The following DYNLRB2 variants were observed in gnomAD, a reference collection of about 807,000 sequenced individuals.
DYNLRB2 encodes the protein bithoraxoid-like protein.
A neutral mutation model predicts 12.6 loss-of-function variants in DYNLRB2; 14 were observed. That is an observed-to-expected ratio of 1.11 (90% CI 0.73 to 1.73). DYNLRB2 has a LOEUF of 1.73. Among genes scored for constraint, DYNLRB2 ranks in the 40% most tolerant of loss-of-function variants. DYNLRB2 has a pLI of 0.00. For synonymous variants in DYNLRB2, 53 were observed against 37.0 expected (o/e 1.43, Z -1.57); for missense variants, 142 against 117.7 (o/e 1.21, Z -0.95).
chr16:80,548,723 T>C (rs1904639801), intron 2 of DYNLRB2, among the ~76,000 whole-genome samples: 1 of 48,488 alleles, frequency 2.1e-5, no homozygotes, highest in Admixed American at 2.1e-4. Context: ...CAAGACTCCG[T>C]CTCAAAAAAA....
chr16:80,541,067 G>A lies in DYNLRB2; in HGVS notation c.-10G>A. ...CGCCGGCCTGAGCCCAGAGTTTCGC[G>A]GCCTCCGCGATGGTAAATCTGGGGT... On this transcript the variant is annotated 5_prime_UTR_variant, in exon 1 of 4. Coordinates refer to ENST00000305904, the MANE Select transcript of DYNLRB2 (RefSeq NM_130897.3). 1 of 1,607,982 alleles carries A rather than the reference G, an allele frequency of 6.2e-7. No individual in the cohort carries two copies.
chr16:80,541,153 C>T, intron 1 of DYNLRB2, 74 bp downstream of exon 1: 1 of 1,544,344 alleles, frequency 6.5e-7, no homozygotes, highest in Non-Finnish European at 8.8e-7. Flanking sequence ...CACCCAGCTT[C>T]TGGGGCCCAC....
In DYNLRB2 at chr16:80,541,036, C is replaced by A; in HGVS notation, c.-41C>A. The stretch of plus-strand genomic sequence containing the variant: ...GTAGCGTTGTTGACATCCCGGGAGG[C>A]TGTGCCGCCGGCCTGAGCCCAGAGT... On this transcript the variant is annotated 5_prime_UTR_variant, in exon 1 of 4. In the 5' UTR this introduces an upstream ATG that the reference lacks. Coordinates refer to ENST00000305904, the MANE Select transcript of DYNLRB2 (RefSeq NM_130897.3). 2 of 1,602,484 alleles carry A rather than the reference C, an allele frequency of 1.2e-6. No homozygotes were observed. Among genetic ancestry groups the A allele is most frequent in the African/African-American group, 1.3e-5 (1 of 74,882 alleles).
chr16:80,543,269 C>T lies in DYNLRB2; in HGVS notation c.4-7C>T. Reference sequence around the variant, plus strand: ...TTTTGGTTAATTATCTTCCTGGTCTCTTTCAGGCAGAGGTGGAGGAAACCT... The same window carrying T: ...TTTTGGTTAATTATCTTCCTGGTCTTTTTCAGGCAGAGGTGGAGGAAACCT... On this transcript the variant is annotated splice_region_variant and splice_polypyrimidine_tract_variant and intron_variant, in intron 1 of 3. Transcript: ENST00000305904. 1 of 1,613,838 alleles carries T rather than the reference C, an allele frequency of 6.2e-7. No individual in the cohort carries two copies. The highest frequency in any genetic ancestry group is 8.5e-7 in the Non-Finnish European group (1 of 1,179,822).
At chr16:80,548,959 C>T (rs1383897732) in intron 2 of DYNLRB2, 1 of 455,932 alleles carries the variant, frequency 2.2e-6, no homozygotes, top group South Asian at 1.5e-5. Flanking sequence ...AGACTAACAC[C>T]ATGTCACAGA....
chr16:80,541,269 A>C, intron 1 of DYNLRB2, 190 bp downstream of exon 1: 7 of 951,708 alleles, frequency 7.4e-6, no homozygotes, highest in Non-Finnish European at 8.8e-6. Flanking sequence ...TGTCTAGATG[A>C]CTGGAAGCTG....
intron 1 of DYNLRB2, among the ~76,000 whole-genome samples, chr16:80,542,772 T>C (rs1904299320): frequency 6.6e-6 from 1 of 152,208 alleles, no homozygotes; most frequent in Non-Finnish European, 1.5e-5. Flanking sequence ...AGACTATCCT[T>C]TAAATTTAAT....
intron 2 of DYNLRB2, chr16:80,549,107 C>G (rs1311886314): frequency 7.0e-6 from 3 of 427,080 alleles, no homozygotes; most frequent in African/African-American, 2.0e-5. Flanking sequence ...TCATCATCAC[C>G]CCATTAGCTA....
At chr16:80,546,406 A>G (rs1455659440) in intron 2 of DYNLRB2, among the ~76,000 whole-genome samples, 1 of 152,154 alleles carries the variant, frequency 6.6e-6, no homozygotes, top group Non-Finnish European at 1.5e-5. Context: ...GCATTTTCAG[A>G]TTATATTTGT....
At position 80,550,519 on chromosome 16, in the gene DYNLRB2, G is replaced by A. The variant is rs762330081; in HGVS notation, c.252G>A (p.Lys84=). The change falls in exon 4 of 4, where the codon AAG becomes AAA. Residue 84 remains lysine (K), a synonymous_variant. Coordinates refer to ENST00000305904, the MANE Select transcript of DYNLRB2 (RefSeq NM_130897.3). ...KKHEIMVAPD[K]EYLLIVIQNP... ...ATTTTATCCATCTCTCCATAGATAA[G>A]GAATATCTTCTGATCGTCATTCAGA... 1.2e-6 allele frequency: 2 copies of A among 1,614,038 alleles called. No individual in the cohort carries two copies. Among genetic ancestry groups the A allele is most frequent in the African/African-American group, 1.3e-5 (1 of 74,934 alleles).
chr16:80,541,257 G>T (rs1326931398), intron 1 of DYNLRB2, 178 bp downstream of exon 1: 1 of 950,154 alleles, frequency 1.1e-6, no homozygotes, highest in Non-Finnish European at 1.3e-6. Flanking sequence ...GGGGCAAGAA[G>T]ATGTCTAGAT....
At chr16:80,543,386 G>C (rs780260536) in intron 2 of DYNLRB2, 35 bp downstream of exon 2, 22 of 1,608,174 alleles carry the variant, frequency 1.4e-5, no homozygotes, top group Non-Finnish European at 1.7e-5. Flanking sequence ...TTGACACACA[G>C]AAGCCAACCA....
chr16:80,547,409 A>G (rs1172848348), intron 2 of DYNLRB2, among the ~76,000 whole-genome samples: 1 of 152,200 alleles, frequency 6.6e-6, no homozygotes, highest in Non-Finnish European at 1.5e-5. Context: ...ATTACCTCAC[A>G]TGGTGCCAAG....
chr16:80,549,069 C>G, intron 2 of DYNLRB2: 3 of 451,322 alleles, frequency 6.6e-6, no homozygotes, highest in Non-Finnish European at 1.3e-5. Context: ...CAGTTAATGG[C>G]TTCTGAAAGA....
chr16:80,541,882 G>A (rs1211553850), intron 1 of DYNLRB2, among the ~76,000 whole-genome samples: 2 of 152,184 alleles, frequency 1.3e-5, no homozygotes, highest in Admixed American at 6.5e-5. Flanking sequence ...CAACGCTTAC[G>A]GTTTAGTGTA....
At chr16:80,542,407 C>T (rs1904296015) in intron 1 of DYNLRB2, among the ~76,000 whole-genome samples, 1 of 152,100 alleles carries the variant, frequency 6.6e-6, no homozygotes, top group Non-Finnish European at 1.5e-5. Context: ...ATAAGTGCTC[C>T]TGCCCATACC....
chr16:80,550,412 C>A, intron 3 of DYNLRB2, 103 bp from the exon 4 acceptor site: 2 of 1,381,284 alleles, frequency 1.4e-6, no homozygotes, highest in Non-Finnish European at 2.0e-6. Context: ...CATCTGTCTG[C>A]ACAAGGTCCC....
chr16:80,543,269 C>G lies in DYNLRB2; in HGVS notation c.4-7C>G, dbSNP rs757449611. ...TTTTGGTTAATTATCTTCCTGGTCT[C>G]TTTCAGGCAGAGGTGGAGGAAACCT... is the stretch of plus-strand genomic sequence containing the variant. On this transcript the variant is annotated splice_region_variant and splice_polypyrimidine_tract_variant and intron_variant, in intron 1 of 3. Transcript: ENST00000305904. The G allele has an allele frequency of 1.2e-6, 2 of 1,613,838 alleles. No individual in the cohort carries two copies. The highest frequency in any genetic ancestry group is 8.5e-7 in the Non-Finnish European group (1 of 1,179,822).
At chr16:80,540,834 C>A, upstream of DYNLRB2, 1 of 729,952 alleles carries the variant, frequency 1.4e-6, no homozygotes, top group Non-Finnish European at 2.5e-6. Flanking sequence ...ACCCACTGCT[C>A]CAGGATTGGG....
Sources: gnomAD v4.1 joint callset for allele counts (sites outside exome capture counted in the v4.1 genomes callset) on GRCh38, gnomAD v4.1.1 for gene constraint, MANE v1.5 for transcripts, NCBI Gene and HGNC (gene_info 2026-07-23, HGNC 2026-07-21) for gene names.